The following TUSC3 variants were observed in gnomAD, a reference collection of about 807,000 sequenced individuals.
TUSC3 encodes dolichyl-diphosphooligosaccharide--protein glycosyltransferase subunit TUSC3.
Under a neutral mutation model 44.8 loss-of-function variants are expected in TUSC3, and 45 were observed. That is an observed-to-expected ratio of 1.00 (90% CI 0.79 to 1.29). The LOEUF is 1.29. Among genes scored for constraint, TUSC3 ranks in the 50% most tolerant of loss-of-function variants. The pLI is 0.00. For missense variants in TUSC3, 519 were observed against 437.9 expected (o/e 1.19, Z -1.65); for synonymous variants, 212 against 152.9 (o/e 1.39, Z -2.85).
At chr8:15,727,481 G>T (rs549417825) in intron 6 of TUSC3, among the ~76,000 whole-genome samples, 1 of 152,170 alleles carries the variant, frequency 6.6e-6, no homozygotes, top group Non-Finnish European at 1.5e-5. Context: ...ATTGGTGCCT[G>T]ATACATACTA....
chr8:15,500,198 G>A (rs760464382), intron 2 of TUSC3, among the ~76,000 whole-genome samples: 1 of 152,138 alleles, frequency 6.6e-6, no homozygotes, highest in Non-Finnish European at 1.5e-5. Flanking sequence ...TCTGGTGGTG[G>A]CCTCTGGTGG....
chr8:15,583,704 CAA>C (rs2129147766), intron 1 of TUSC3, among the ~76,000 whole-genome samples: 1 of 152,086 alleles, frequency 6.6e-6, no homozygotes, highest in South Asian at 2.1e-4. Flanking sequence ...GCTCAGCTGT[CAA>C]GACTGTACAT....
At chr8:15,721,844 A>G (rs145896584) in intron 6 of TUSC3, among the ~76,000 whole-genome samples, 3,441 of 152,134 alleles carry the variant, frequency 0.023, 131 homozygotes, top group African/African-American at 0.077. Context: ...TTGTCTCAAC[A>G]TTTATTTGGA....
chr8:15,561,568 C>G (rs944757104), intron 1 of TUSC3: 15 of 153,182 alleles, frequency 9.8e-5, no homozygotes, highest in African/African-American at 3.6e-4. Flanking sequence ...TTTACCTAAT[C>G]AAGCCTGGGC....
intron 1 of TUSC3, among the ~76,000 whole-genome samples, chr8:15,613,629 T>A (rs1259923177): frequency 6.6e-6 from 1 of 152,148 alleles, no homozygotes; most frequent in Non-Finnish European, 1.5e-5. Context: ...GAACTGTGAG[T>A]CCATTGAACC....
At chr8:15,478,397 G>A (rs961806567) in intron 1 of TUSC3, among the ~76,000 whole-genome samples, 1 of 152,144 alleles carries the variant, frequency 6.6e-6, no homozygotes, top group Non-Finnish European at 1.5e-5. Flanking sequence ...AGGCTCACAT[G>A]CATTAGCTAT....
At chr8:15,564,342 A>G (rs1802587189) in intron 1 of TUSC3, among the ~76,000 whole-genome samples, 2 of 152,182 alleles carry the variant, frequency 1.3e-5, no homozygotes, top group Admixed American at 1.3e-4. Flanking sequence ...TCTCATTTGA[A>G]ATATTCATAT....
chr8:15,815,589 A>C, the TUSC3 span, among the ~76,000 whole-genome samples: 1 of 152,106 alleles, frequency 6.6e-6, no homozygotes, highest in Non-Finnish European at 1.5e-5. Flanking sequence ...TAGACCTGGA[A>C]ACAGAAGCAT....
intron 1 of TUSC3, among the ~76,000 whole-genome samples, chr8:15,461,451 T>C (rs747161792): frequency 1.3e-5 from 2 of 152,110 alleles, no homozygotes; most frequent in Non-Finnish European, 2.9e-5. Flanking sequence ...CTTTAGGTTT[T>C]TGAAGTGAGC....
upstream of TUSC3, among the ~76,000 whole-genome samples, chr8:15,538,149 A>G (rs1340003846): frequency 1.3e-5 from 2 of 152,228 alleles, no homozygotes; most frequent in Non-Finnish European, 2.9e-5. Flanking sequence ...GACCACAGCC[A>G]TATAGGTAAA....
At chr8:15,807,400 A>G in the TUSC3 span, 2 of 283,952 alleles carry the variant, frequency 7.0e-6, no homozygotes, top group Admixed American at 5.0e-5. Context: ...CAATGCTTAT[A>G]CACTGTTGGT....
chr8:15,766,202 A>G lies in TUSC3; in HGVS notation c.*2046A>G, dbSNP rs917731508. ...TGCTTTAAAAAGCTGTGGCTTCTCTATAGACAACTGTTACATTAGGGAAGT... is the reference window on the plus strand; with the variant it reads ...TGCTTTAAAAAGCTGTGGCTTCTCTGTAGACAACTGTTACATTAGGGAAGT... On this transcript the variant is annotated 3_prime_UTR_variant, in exon 11 of 11. Coordinates refer to ENST00000503731, the MANE Select transcript of TUSC3 (RefSeq NM_006765.4). The G allele has an allele frequency of 9.9e-5, 15 of 152,034 alleles. No individual in the cohort carries two copies. The highest frequency in any genetic ancestry group is 9.2e-4 in the Admixed American group (14 of 15,240). The allele number at this position is 152,034 out of a possible 1,614,324, so 9.4% of individuals were successfully genotyped here. A position where few individuals can be genotyped will look rare whatever the true frequency, so the allele number is the denominator to read the frequency against.
At chr8:15,677,083 A>G (rs958462519) in intron 6 of TUSC3, among the ~76,000 whole-genome samples, 12 of 152,014 alleles carry the variant, frequency 7.9e-5, no homozygotes, top group Admixed American at 2.0e-4. Flanking sequence ...CAGTGGTACG[A>G]TCATAGCTCA....
the TUSC3 span, among the ~76,000 whole-genome samples, chr8:15,800,753 G>C: frequency 1.3e-5 from 2 of 152,174 alleles, no homozygotes; most frequent in South Asian, 4.2e-4. Flanking sequence ...ATACTGAGAC[G>C]TTCATGGCAC....
intron 1 of TUSC3, among the ~76,000 whole-genome samples, chr8:15,477,043 C>T (rs138995588): frequency 7.9e-5 from 12 of 152,176 alleles, no homozygotes; most frequent in Admixed American, 2.0e-4. Flanking sequence ...GAGGTACTTA[C>T]GATTTTCCAT....
Position 15,474,701 on chromosome 8 carries a change from T to TA in TUSC3, n.92-8678dup, listed in dbSNP as rs1269755049. Among the ~76,000 whole-genome samples, 7 of 152,252 alleles carry TA rather than the reference T, an allele frequency of 4.6e-5. No individual in the cohort carries two copies. The East Asian group carries it at 9.6e-4, about 21-fold the overall frequency. On this transcript the variant is annotated intron_variant and non_coding_transcript_variant, in intron 1 of 5. Transcript: ENST00000503191. ...GTTAATACGTATATTTGTTTTCTCT[T>TA]AAAAAAACTTAAATTTGAATGTCCA... is the stretch of plus-strand genomic sequence containing the variant.
chr8:15,602,805 A>T (rs927670766), intron 1 of TUSC3, among the ~76,000 whole-genome samples: 1 of 151,440 alleles, frequency 6.6e-6, no homozygotes, highest in Non-Finnish European at 1.5e-5. Context: ...TTATTATCAC[A>T]TGTTATTAAT....
At chr8:15,541,360 A>G (rs562110106) in intron 1 of TUSC3, among the ~76,000 whole-genome samples, 12 of 152,332 alleles carry the variant, frequency 7.9e-5, no homozygotes, top group African/African-American at 2.6e-4. Flanking sequence ...CAGCAAAAAT[A>G]GTTATTTCGG....
intron 1 of TUSC3, among the ~76,000 whole-genome samples, chr8:15,463,392 T>C (rs978793410): frequency 2.6e-5 from 4 of 152,106 alleles, no homozygotes; most frequent in Non-Finnish European, 5.9e-5. Context: ...AACATAAACA[T>C]GGGAAAATTA....
Sources: allele counts gnomAD v4.1 joint callset (sites outside exome capture counted in the v4.1 genomes callset), GRCh38; gene constraint gnomAD v4.1.1; transcripts MANE v1.5; gene names NCBI Gene and HGNC (gene_info 2026-07-23, HGNC 2026-07-21).